RNF130: variants seen among roughly 807,000 people sequenced by gnomAD.
RNF130 encodes E3 ubiquitin-protein ligase RNF130.
In RNF130, 21 loss-of-function variants were observed where a neutral mutation model predicts 44.6. The ratio of observed to expected loss-of-function variants is 0.47; its 90% confidence interval spans 0.33 to 0.68. The LOEUF (loss-of-function observed/expected upper bound fraction) is 0.68. RNF130 is among the 30% of genes least tolerant of loss of function. The probability of loss-of-function intolerance (pLI) is 0.02; values close to 1 mark genes in which losing one functional copy is unlikely to be tolerated. For synonymous variants in RNF130, 214 were observed against 210.4 expected, an observed-to-expected ratio of 1.02 and a Z score of -0.15; for missense variants, 479 against 560.6, an observed-to-expected ratio of 0.85 and a Z score of 1.47.
intron 3 of RNF130, among the ~76,000 whole-genome samples, chr5:179,988,551 CCT>C (rs1763005639): frequency 6.6e-6 from 1 of 152,096 alleles, no homozygotes; most frequent in Non-Finnish European, 1.5e-5. Flanking sequence ...TAAACACTTC[CCT>C]CTTAGCACTG....
At position 180,040,880 on chromosome 5, in the gene RNF130, C is replaced by A. The variant is rs187331782; in HGVS notation, c.248-233G>T. Among the ~76,000 whole-genome samples, 40 of 152,246 alleles carry A rather than the reference C, an allele frequency of 2.6e-4. 1 individual carries two copies. The highest frequency in any genetic ancestry group is 6.8e-3 in the Middle Eastern group (2 of 294). On this transcript the variant is annotated intron_variant, in intron 1 of 8. Transcript: ENST00000521389. ...ATGCAAATTAAAACAATGAAAATTT[C>A]TTAACTTTACAGACTGATAAAAAAT...
chr5:180,047,721 G>T (rs1764599023), intron 1 of RNF130, among the ~76,000 whole-genome samples: 1 of 152,174 alleles, frequency 6.6e-6, no homozygotes, highest in Non-Finnish European at 1.5e-5. Flanking sequence ...TCCAGCCTGG[G>T]CGACAGAGTG....
intron 6 of RNF130, among the ~76,000 whole-genome samples, chr5:179,968,723 G>A (rs1271203886): frequency 1.3e-5 from 2 of 151,904 alleles, no homozygotes; most frequent in Non-Finnish European, 2.9e-5. Context: ...AGGCATCATG[G>A]CAGATGCTCT....
intron 2 of RNF130, among the ~76,000 whole-genome samples, chr5:180,023,800 A>T (rs1267152399): frequency 6.6e-6 from 1 of 152,242 alleles, no homozygotes; most frequent in Non-Finnish European, 1.5e-5. Context: ...CTCTACCCTA[A>T]GGGAGATGGA....
chr5:179,946,364 G>A (rs1233919230), intron 7 of RNF130, among the ~76,000 whole-genome samples: 5 of 152,168 alleles, frequency 3.3e-5, no homozygotes, highest in Non-Finnish European at 5.9e-5. Flanking sequence ...CCTGACCCAC[G>A]GTGAGAAACC....
intron 1 of RNF130, among the ~76,000 whole-genome samples, chr5:180,054,363 C>T (rs1317574855): frequency 6.6e-6 from 1 of 152,202 alleles, no homozygotes; most frequent in Admixed American, 6.5e-5. Flanking sequence ...ATTCCTTCCA[C>T]CCCGTGGCAT....
At chr5:179,996,503 T>C (rs1763199726) in intron 3 of RNF130, among the ~76,000 whole-genome samples, 1 of 152,232 alleles carries the variant, frequency 6.6e-6, no homozygotes, top group Admixed American at 6.5e-5. Flanking sequence ...TTTCTATACC[T>C]AACTTGTTAA....
In RNF130 at chr5:179,993,395, A is replaced by G. The variant is rs534467499; in HGVS notation, c.694-13195T>C. ...TCCTCTCCAGCACCTGTTGTTTCCT[A>G]ACTTTTTAACAATCACCATTCTAAC... is the stretch of plus-strand genomic sequence containing the variant. On this transcript the variant is annotated intron_variant, in intron 3 of 8. Coordinates refer to ENST00000521389, the MANE Select transcript of RNF130 (RefSeq NM_018434.6). Among the ~76,000 whole-genome samples the G allele has an allele frequency of 5.3e-5, 8 of 152,198 alleles. No homozygotes were observed. In the East Asian group the frequency reaches 9.7e-4, roughly 18 times the overall value.
At chr5:179,964,832 C>T (rs1222709649) in intron 7 of RNF130, among the ~76,000 whole-genome samples, 2 of 152,172 alleles carry the variant, frequency 1.3e-5, no homozygotes, top group Non-Finnish European at 2.9e-5. Flanking sequence ...ACCAGTGCAG[C>T]CACGGCCTCT....
chr5:179,918,346 CT>C (rs896236086), exon 8 of RNF130: 1 of 152,174 alleles, frequency 6.6e-6, no homozygotes, highest in African/African-American at 2.4e-5. Context: ...AGTAAAGAAA[CT>C]GTCTTGAGTG....
At chr5:179,956,797 G>C (rs543223020) in intron 8 of RNF130, among the ~76,000 whole-genome samples, 1 of 152,346 alleles carries the variant, frequency 6.6e-6, no homozygotes, top group South Asian at 2.1e-4. Context: ...ACGCACATGA[G>C]GGCATAGCCC....
intron 8 of RNF130, among the ~76,000 whole-genome samples, chr5:179,961,889 ATTGGC>A (rs1484263152): frequency 6.6e-6 from 1 of 152,248 alleles, no homozygotes; most frequent in African/African-American, 2.4e-5. Context: ...CTGCAGTGGC[ATTGGC>A]TTGGCTAACA....
chr5:179,928,821 G>C (rs927552504), intron 7 of RNF130, among the ~76,000 whole-genome samples: 1 of 151,836 alleles, frequency 6.6e-6, no homozygotes, highest in African/African-American at 2.4e-5. Context: ...GTAGAGACGG[G>C]GTTTCAACCG....
chr5:179,923,550 CTCAGCCAATCCCAGCGGCTGAGTT>C (rs1160980816), intron 7 of RNF130, among the ~76,000 whole-genome samples: 4 of 152,234 alleles, frequency 2.6e-5, no homozygotes, highest in Admixed American at 2.6e-4. Flanking sequence ...GGAGCTGAGT[CTCAGCCAATCCCAGCGGCTGAGTT>C]TCAGCCAATC....
intron 7 of RNF130, among the ~76,000 whole-genome samples, chr5:179,946,097 G>A (rs533422234): frequency 5.9e-5 from 9 of 152,324 alleles, no homozygotes; most frequent in African/African-American, 2.2e-4. Flanking sequence ...CCATTTGGGC[G>A]ATACTGTTTC....
chr5:180,002,140 T>A (rs752069890), intron 3 of RNF130, among the ~76,000 whole-genome samples: 5 of 152,212 alleles, frequency 3.3e-5, no homozygotes, highest in African/African-American at 4.8e-5. Flanking sequence ...GGATGGCCAA[T>A]GCACCACTTC....
intron 3 of RNF130, among the ~76,000 whole-genome samples, chr5:179,987,876 T>G (rs1335200521): frequency 2.0e-5 from 3 of 152,240 alleles, no homozygotes; most frequent in African/African-American, 7.2e-5. Flanking sequence ...TGCTTCGTAC[T>G]GGGTTGAGGC....
In RNF130 at chr5:180,071,661, C is replaced by T; in HGVS notation, c.42G>A (p.Ala14=). ...AGRAGPARLA[A]LALLTCSLWP... is the part of the protein sequence containing the mutation. ...ACAGGCTGCAGGTCAGCAGGGCGAG[C>T]GCGGCGAGCCGGGCAGGGCCCGCCC... The change falls in exon 1 of 9, where the codon GCG becomes GCA. Residue 14 remains alanine (A), a synonymous_variant. Transcript: ENST00000521389. 7.0e-7 allele frequency: 1 copy of T among 1,433,146 alleles called. No homozygotes were observed. The highest frequency in any genetic ancestry group is 3.0e-5 in the East Asian group (1 of 33,340). The allele number at this position is 1,433,146 out of a possible 1,614,324, so 88.8% of individuals were successfully genotyped here. A position where few individuals can be genotyped will look rare whatever the true frequency, so the allele number is the denominator to read the frequency against.
intron 2 of RNF130, among the ~76,000 whole-genome samples, chr5:180,036,498 T>C (rs1764252447): frequency 6.6e-6 from 1 of 152,182 alleles, no homozygotes; most frequent in Admixed American, 6.5e-5. Flanking sequence ...CTTGGGGAGT[T>C]TGGGAAGCAG....
Sources: gnomAD v4.1 joint callset for allele counts (sites outside exome capture counted in the v4.1 genomes callset) on GRCh38, gnomAD v4.1.1 for gene constraint, MANE v1.5 for transcripts, NCBI Gene and HGNC (gene_info 2026-07-23, HGNC 2026-07-21) for gene names.